DPP6: variants seen among roughly 807,000 people sequenced by gnomAD.
The protein encoded by DPP6 is A-type potassium channel modulatory protein DPP6.
Under a neutral mutation model 122.6 loss-of-function variants are expected in DPP6, and 69 were observed. The observed-to-expected ratio is 0.56, with a 90% CI of 0.46 to 0.69. The LOEUF is 0.69. DPP6 is among the 30% of genes least tolerant of loss of function. The probability of loss-of-function intolerance (pLI) is 0.00; values close to 1 mark genes in which losing one functional copy is unlikely to be tolerated. For synonymous variants in DPP6, 418 were observed against 433.1 expected, an observed-to-expected ratio of 0.97 and a Z score of 0.43; for missense variants, 928 against 1,116.9, an observed-to-expected ratio of 0.83 and a Z score of 2.41.
the DPP6 span, among the ~76,000 whole-genome samples, chr7:153,774,141 A>C: frequency 6.6e-6 from 1 of 152,182 alleles, no homozygotes; most frequent in African/African-American, 2.4e-5. Context: ...GGCAGAAACA[A>C]TTTAGTAAAG....
intron 1 of DPP6, among the ~76,000 whole-genome samples, chr7:154,211,182 G>C (rs959412481): frequency 6.6e-6 from 1 of 152,172 alleles, no homozygotes. Context: ...CTCTCTTCCT[G>C]GTACAGAACC....
At chr7:154,590,112 C>A (rs756152737) in intron 5 of DPP6, among the ~76,000 whole-genome samples, 1 of 152,092 alleles carries the variant, frequency 6.6e-6, no homozygotes, top group Non-Finnish European at 1.5e-5. Flanking sequence ...GGGAAAAACA[C>A]AAACCGATTT....
chr7:153,775,480 C>T, the DPP6 span, among the ~76,000 whole-genome samples: 52,244 of 150,724 alleles, frequency 0.35, 9,731 homozygotes, highest in South Asian at 0.48. Context: ...TCCAAAAGAT[C>T]CACTCCTGTT....
At chr7:153,755,730 G>A in the DPP6 span, among the ~76,000 whole-genome samples, 12 of 151,676 alleles carry the variant, frequency 7.9e-5, no homozygotes, top group African/African-American at 2.9e-4. Context: ...TTCCCTCCTG[G>A]ATTTTAGCAC....
intron 7 of DPP6, among the ~76,000 whole-genome samples, chr7:154,692,290 T>A (rs1047542614): frequency 1.8e-4 from 28 of 152,238 alleles, no homozygotes; most frequent in African/African-American, 5.5e-4. Flanking sequence ...ACTTCTGATT[T>A]GATTTCCTAA....
chr7:153,860,603 G>A, the DPP6 span, among the ~76,000 whole-genome samples: 1 of 151,788 alleles, frequency 6.6e-6, no homozygotes, highest in Non-Finnish European at 1.5e-5. Context: ...ACAAGCCCCA[G>A]GTACTGCACT....
At chr7:153,932,010 A>G (rs1323566908) in intron 1 of DPP6, among the ~76,000 whole-genome samples, 1 of 152,248 alleles carries the variant, frequency 6.6e-6, no homozygotes, top group East Asian at 1.9e-4. Context: ...GAGCTGCACA[A>G]GAACTCTTGA....
rs533947773 is a variant in DPP6 at position 154,624,695 on chromosome 7, A to G, written c.628-13126A>G. On this transcript the variant is annotated intron_variant, in intron 5 of 25. Transcript: ENST00000377770. The surrounding 1 kb of genome is among the most constrained non-coding windows in gnomAD (Gnocchi z 4.7). ...GCAATGGAGCCCTTGTTAGAAACAC[A>G]TATTTCTAAGCTCCAAGCCTGGAGC... Among the ~76,000 whole-genome samples, 36 of 152,226 alleles carry G rather than the reference A, an allele frequency of 2.4e-4. No individual in the cohort carries two copies. The highest frequency in any genetic ancestry group is 6.3e-4 in the African/African-American group (26 of 41,518).
chr7:154,044,931 C>A (rs1187720532), intron 1 of DPP6, among the ~76,000 whole-genome samples: 1 of 151,770 alleles, frequency 6.6e-6, no homozygotes. Context: ...CTGCAGAGTT[C>A]TTCTGCCAAA....
At chr7:154,753,710 G>A (rs922571400) in intron 8 of DPP6, among the ~76,000 whole-genome samples, 2 of 152,176 alleles carry the variant, frequency 1.3e-5, no homozygotes, top group Non-Finnish European at 2.9e-5. Context: ...GATGGAAAAG[G>A]GCAGGGACAG....
intron 10 of DPP6, among the ~76,000 whole-genome samples, chr7:154,790,097 C>T (rs1180435828): frequency 1.3e-5 from 2 of 152,080 alleles, no homozygotes; most frequent in African/African-American, 2.4e-5. Flanking sequence ...ATTTGGTAGG[C>T]GGAGGCATGA....
At chr7:154,045,357 T>A (rs1403285681) in intron 1 of DPP6, among the ~76,000 whole-genome samples, 1 of 152,230 alleles carries the variant, frequency 6.6e-6, no homozygotes, top group Non-Finnish European at 1.5e-5. Flanking sequence ...CCAGGTCACC[T>A]TGGTGCCGTG....
chr7:154,678,942 C>G (rs1472813080), intron 7 of DPP6, among the ~76,000 whole-genome samples: 1 of 152,162 alleles, frequency 6.6e-6, no homozygotes, highest in Non-Finnish European at 1.5e-5. Context: ...GTGTAAATAA[C>G]GTTCTCAATA....
At chr7:153,784,462 A>G in the DPP6 span, among the ~76,000 whole-genome samples, 10 of 152,218 alleles carry the variant, frequency 6.6e-5, no homozygotes, top group Non-Finnish European at 1.5e-4. Context: ...AAAGAATTAA[A>G]TTGTTTGAAA....
chr7:154,884,064 T>G (rs1281541150), intron 21 of DPP6: 2 of 118,586 alleles, frequency 1.7e-5, no homozygotes, highest in Middle Eastern at 7.4e-3. Flanking sequence ...CCATACATGC[T>G]CACCCATACA....
chr7:154,305,624 G>T, intron 1 of DPP6: 2 of 1,530,280 alleles, frequency 1.3e-6, no homozygotes, highest in South Asian at 1.2e-5. Context: ...GTGTGCATGA[G>T]AGAGACAGAG....
chr7:154,263,347 G>A (rs948857589), intron 1 of DPP6, among the ~76,000 whole-genome samples: 1 of 152,176 alleles, frequency 6.6e-6, no homozygotes, highest in Admixed American at 6.5e-5. Context: ...TCAAGATTAG[G>A]GAGCTGATTA....
chr7:153,867,589 T>C, the DPP6 span, among the ~76,000 whole-genome samples: 1 of 152,354 alleles, frequency 6.6e-6, no homozygotes, highest in South Asian at 2.1e-4. Context: ...AATCATGTCA[T>C]TTGCAAACAG....
chr7:154,816,298 CATA>C (rs891502771), intron 16 of DPP6, among the ~76,000 whole-genome samples: 30 of 152,272 alleles, frequency 2.0e-4, no homozygotes, highest in African/African-American at 6.7e-4. Flanking sequence ...ACACCACATT[CATA>C]ATAACTTTTA....
Sources: gnomAD v4.1 joint callset for allele counts (sites outside exome capture counted in the v4.1 genomes callset) on GRCh38, gnomAD v4.1.1 for gene constraint, Gnocchi (gnomAD v3.1) non-coding constraint, MANE v1.5 for transcripts, NCBI Gene and HGNC (gene_info 2026-07-23, HGNC 2026-07-21) for gene names.